RCBTB1: variants seen among roughly 807,000 people sequenced by gnomAD.
RCBTB1 encodes the protein RCC1 and BTB domain-containing protein 1.
Under a neutral mutation model 62.4 loss-of-function variants are expected in RCBTB1, and 46 were observed. The observed-to-expected ratio is 0.74, with a 90% CI of 0.58 to 0.94. The LOEUF is 0.94. Ranked by LOEUF, RCBTB1 falls within the 40% of genes least tolerant of loss-of-function variation. The probability of loss-of-function intolerance (pLI) is 0.00; values close to 1 mark genes in which losing one functional copy is unlikely to be tolerated. For synonymous variants in RCBTB1, 222 were observed against 245.8 expected (o/e 0.90, Z 0.91); for missense variants, 565 against 654.9 (o/e 0.86, Z 1.50).
At position 49,557,389 on chromosome 13, in the gene RCBTB1, G is replaced by T. The variant is rs187802788; in HGVS notation, c.445-1716C>A. Reference sequence around the variant, plus strand: ...GAGAGGAAATGGAGATGGTACAAAAGATTAGAAGACAGAATCAATAGGATG... The same window carrying T: ...GAGAGGAAATGGAGATGGTACAAAATATTAGAAGACAGAATCAATAGGATG... On this transcript the variant is annotated intron_variant, in intron 5 of 12. Transcript: ENST00000378302. Among the ~76,000 whole-genome samples the T allele has an allele frequency of 2.6e-5, 4 of 152,250 alleles. No individual in the cohort carries two copies. In the East Asian group the frequency reaches 7.7e-4, roughly 29 times the overall value.
chr13:49,545,624 T>C (rs1960727044), intron 9 of RCBTB1, among the ~76,000 whole-genome samples: 1 of 152,190 alleles, frequency 6.6e-6, no homozygotes, highest in Admixed American at 6.5e-5. Flanking sequence ...GTGTTTTATA[T>C]GTATGAAAGA....
chr13:49,576,848 T>A (rs1239125021), intron 2 of RCBTB1, among the ~76,000 whole-genome samples: 1 of 152,074 alleles, frequency 6.6e-6, no homozygotes. Flanking sequence ...ATGACTTTTT[T>A]TTTTAACTGT....
At chr13:49,576,080 G>A (rs1414298336) in intron 2 of RCBTB1, among the ~76,000 whole-genome samples, 4 of 150,948 alleles carry the variant, frequency 2.6e-5, no homozygotes, top group African/African-American at 9.8e-5. Context: ...CCAGCTACTC[G>A]GGAGGCTGAG....
chr13:49,579,649 G>A (rs1283946371), intron 2 of RCBTB1, among the ~76,000 whole-genome samples: 1 of 151,794 alleles, frequency 6.6e-6, no homozygotes, highest in Non-Finnish European at 1.5e-5. Flanking sequence ...AGAATGAAAG[G>A]GAAAGGAAGA....
intron 5 of RCBTB1, among the ~76,000 whole-genome samples, chr13:49,557,390 A>G (rs974646661): frequency 1.3e-5 from 2 of 152,192 alleles, no homozygotes; most frequent in African/African-American, 4.8e-5. Context: ...GGTACAAAAG[A>G]TTAGAAGACA....
intron 2 of RCBTB1, among the ~76,000 whole-genome samples, chr13:49,579,339 G>C (rs1398358672): frequency 6.6e-6 from 1 of 152,082 alleles, no homozygotes; most frequent in Non-Finnish European, 1.5e-5. Context: ...AGAATGAAAG[G>C]GAGGCCGGGC....
In RCBTB1 at chr13:49,541,837, C is replaced by A; in HGVS notation, c.1173-10G>T. 1.3e-6 allele frequency: 2 copies of A among 1,590,986 alleles called. No homozygotes were observed. Among genetic ancestry groups the A allele is most frequent in the African/African-American group, 1.4e-5 (1 of 73,374 alleles). On this transcript the variant is annotated splice_polypyrimidine_tract_variant and intron_variant, in intron 10 of 12. Transcript: ENST00000378302. ...TCGAAAATGCTCACACCTAAAACAGCAAAGCAAAAGTCTTATTTGTTCAGC... is the reference window on the plus strand; with the variant it reads ...TCGAAAATGCTCACACCTAAAACAGAAAAGCAAAAGTCTTATTTGTTCAGC...
intron 4 of RCBTB1, among the ~76,000 whole-genome samples, chr13:49,566,134 AG>A (rs1231772817): frequency 6.6e-6 from 1 of 150,652 alleles, no homozygotes; most frequent in African/African-American, 2.5e-5. Context: ...AGTAGGCCGC[AG>A]GGTCCTCTGC....
At chr13:49,575,710 C>G (rs776338022) in intron 2 of RCBTB1, among the ~76,000 whole-genome samples, 2 of 151,868 alleles carry the variant, frequency 1.3e-5, no homozygotes, top group Non-Finnish European at 2.9e-5. Flanking sequence ...GATATAAAGA[C>G]AGGAACAACA....
At chr13:49,564,899 A>AGG (rs1962799127) in intron 4 of RCBTB1, among the ~76,000 whole-genome samples, 5 of 152,040 alleles carry the variant, frequency 3.3e-5, no homozygotes, top group African/African-American at 1.2e-4. Context: ...TCAAAAAAAA[A>AGG]AAGAAAGAAA....
intron 4 of RCBTB1, among the ~76,000 whole-genome samples, chr13:49,562,540 G>A (rs1962527006): frequency 7.1e-6 from 1 of 139,904 alleles, no homozygotes. Flanking sequence ...AAAAAATTTG[G>A]AAGATCACTC....
intron 5 of RCBTB1, among the ~76,000 whole-genome samples, chr13:49,556,902 AT>A (rs1961947699): frequency 6.6e-6 from 1 of 152,216 alleles, no homozygotes; most frequent in Non-Finnish European, 1.5e-5. Flanking sequence ...GTTTGAGCTA[AT>A]TTCAGCAATC....
intron 2 of RCBTB1, among the ~76,000 whole-genome samples, chr13:49,576,124 T>C (rs533166534): frequency 1.5e-5 from 2 of 137,664 alleles, no homozygotes; most frequent in Admixed American, 1.7e-4. Flanking sequence ...GAGGCGGAGC[T>C]TGCAGTGAGC....
chr13:49,559,075 G>A (rs971857868), intron 5 of RCBTB1, among the ~76,000 whole-genome samples: 16 of 152,180 alleles, frequency 1.1e-4, no homozygotes, highest in African/African-American at 3.9e-4. Context: ...CTTAACTCTT[G>A]TTTTTATCAA....
chr13:49,573,645 T>A (rs945593009), intron 2 of RCBTB1, among the ~76,000 whole-genome samples: 4 of 152,036 alleles, frequency 2.6e-5, no homozygotes, highest in Non-Finnish European at 5.9e-5. Context: ...AGACGGGGTT[T>A]CACCATGTTT....
At chr13:49,549,806 TC>T in intron 8 of RCBTB1, 158 bp from the exon 9 acceptor site, 1 of 985,282 alleles carries the variant, frequency 1.0e-6, no homozygotes, top group East Asian at 1.1e-4. Flanking sequence ...AAGCAACAGA[TC>T]AGGGCAAGAG....
At chr13:49,579,728 A>G (rs1370465409) in intron 2 of RCBTB1, among the ~76,000 whole-genome samples, 4 of 152,216 alleles carry the variant, frequency 2.6e-5, no homozygotes, top group African/African-American at 9.6e-5. Flanking sequence ...TCATCCTTCA[A>G]GCTGAAGCCA....
chr13:49,547,906 G>T (rs1960944576), intron 9 of RCBTB1, among the ~76,000 whole-genome samples: 1 of 151,058 alleles, frequency 6.6e-6, no homozygotes, highest in Admixed American at 6.6e-5. Flanking sequence ...CTCCACCTCA[G>T]CCTCCTGAGT....
Position 49,532,922 on chromosome 13 carries a change from C to T in RCBTB1, c.*1200G>A, listed in dbSNP as rs1489997142. On this transcript the variant is annotated 3_prime_UTR_variant, in exon 13 of 13. Coordinates refer to ENST00000378302, the MANE Select transcript of RCBTB1 (RefSeq NM_018191.4). Reference sequence around the variant, plus strand: ...ACATGATGAAACTCACAGTTGAACACTCTTACATCCCAAAGTCACCTTCCA... The same window carrying T: ...ACATGATGAAACTCACAGTTGAACATTCTTACATCCCAAAGTCACCTTCCA... 6.6e-6 allele frequency: 1 copy of T among 152,176 alleles called. No homozygotes were observed. Among genetic ancestry groups the T allele is most frequent in the African/African-American group, 2.4e-5 (1 of 41,438 alleles). The allele number at this position is 152,176 out of a possible 1,614,324, so 9.4% of individuals were successfully genotyped here.
Sources: allele counts gnomAD v4.1 joint callset (sites outside exome capture counted in the v4.1 genomes callset), GRCh38; gene constraint gnomAD v4.1.1; transcripts MANE v1.5; gene names NCBI Gene and HGNC (gene_info 2026-07-23, HGNC 2026-07-21).